ACTR3B: variants seen among roughly 807,000 people sequenced by gnomAD.
The protein encoded by ACTR3B is actin related protein 3B, also known as actin-related protein 3B.
Under a neutral mutation model 59.0 loss-of-function variants are expected in ACTR3B, and 8 were observed. The ratio of observed to expected loss-of-function variants is 0.14; its 90% confidence interval spans 0.08 to 0.24. ACTR3B has a LOEUF of 0.24. Ranked by LOEUF, ACTR3B falls within the 10% of genes least tolerant of loss-of-function variation. The pLI, the probability that ACTR3B is intolerant of heterozygous loss-of-function variation, is 1.00. For synonymous variants in ACTR3B, 148 were observed against 197.9 expected (o/e 0.75, Z 2.12); for missense variants, 245 against 552.3 (o/e 0.44, Z 5.58).
chr7:152,854,658 C>CTGG lies in ACTR3B; in HGVS notation c.*105_*106insTGG. The CTGG allele has an allele frequency of 3.3e-6, 4 of 1,212,760 alleles. No homozygotes were observed. Among genetic ancestry groups the CTGG allele is most frequent in the Non-Finnish European group, 4.8e-6 (4 of 840,752 alleles). 75.1% of individuals were successfully genotyped at this position (1,212,760 alleles called of 1,614,324 possible). A position where few individuals can be genotyped will look rare whatever the true frequency, so the allele number is the denominator to read the frequency against. ...GTAAATAGCGACGTCGGTGTTGCTGCCCAGCAGCGTGCTTGCATTGCCGGT... is the reference window on the plus strand; with the variant it reads ...GTAAATAGCGACGTCGGTGTTGCTGCTGGCCAGCAGCGTGCTTGCATTGCCGGT... On this transcript the variant is annotated 3_prime_UTR_variant, in exon 12 of 12. Coordinates refer to ENST00000256001, the MANE Select transcript of ACTR3B (RefSeq NM_020445.6). This position sits in a 1 kb window ranked among gnomAD's most constrained non-coding sequence, Gnocchi z 4.9.
intron 2 of ACTR3B, among the ~76,000 whole-genome samples, chr7:152,792,771 A>G (rs1339133731): frequency 2.6e-5 from 4 of 152,000 alleles, no homozygotes; most frequent in African/African-American, 7.2e-5. Flanking sequence ...AAAAACAAAA[A>G]CAAAAACAAC....
At chr7:152,809,565 G>A (rs1489198542) in intron 4 of ACTR3B, among the ~76,000 whole-genome samples, 14 of 150,420 alleles carry the variant, frequency 9.3e-5, no homozygotes, top group South Asian at 4.2e-4. Flanking sequence ...TTTTTGAGAC[G>A]GAGTCTTGCT....
At chr7:152,764,944 G>T (rs546840120) in intron 1 of ACTR3B, among the ~76,000 whole-genome samples, 5 of 152,030 alleles carry the variant, frequency 3.3e-5, no homozygotes, top group Non-Finnish European at 5.9e-5. Flanking sequence ...ACCACACACC[G>T]GGTAATTTAT....
chr7:152,784,018 G>T (rs1240955324), intron 2 of ACTR3B, among the ~76,000 whole-genome samples: 6 of 151,958 alleles, frequency 3.9e-5, no homozygotes, highest in African/African-American at 7.3e-5. Context: ...TGAAGCTGGG[G>T]GGTGGAGGTT....
At chr7:152,852,007 A>G (rs948095873) in intron 9 of ACTR3B, 119 bp from the exon 10 acceptor site, 5 of 1,377,404 alleles carry the variant, frequency 3.6e-6, no homozygotes, top group Non-Finnish European at 4.0e-6. Flanking sequence ...CGCATCTTTC[A>G]TAGGGCCGAT....
At chr7:152,790,166 A>G (rs2098190671) in intron 2 of ACTR3B, among the ~76,000 whole-genome samples, 1 of 151,702 alleles carries the variant, frequency 6.6e-6, no homozygotes, top group Non-Finnish European at 1.5e-5. Context: ...CTAATTTTTA[A>G]ATTTTTCATA....
chr7:152,800,339 C>T (rs1268299147), intron 2 of ACTR3B, among the ~76,000 whole-genome samples, 192 bp from the exon 3 acceptor site: 1 of 152,262 alleles, frequency 6.6e-6, no homozygotes, highest in East Asian at 1.9e-4. Context: ...AAAATCATAC[C>T]AGAATAGAAT....
chr7:152,849,792 G>A (rs1187849322), intron 9 of ACTR3B, among the ~76,000 whole-genome samples: 3 of 152,266 alleles, frequency 2.0e-5, no homozygotes, highest in Non-Finnish European at 2.9e-5. Flanking sequence ...ATCTGCTGCT[G>A]GCAGGTAATC....
chr7:152,849,498 G>A (rs993544663), intron 9 of ACTR3B, among the ~76,000 whole-genome samples: 2 of 152,230 alleles, frequency 1.3e-5, no homozygotes, highest in African/African-American at 4.8e-5. Context: ...GTTTTGTGAG[G>A]CTCTGTCCCT....
chr7:152,792,853 G>C (rs1295718979), intron 2 of ACTR3B, among the ~76,000 whole-genome samples: 1 of 152,092 alleles, frequency 6.6e-6, no homozygotes, highest in Non-Finnish European at 1.5e-5. Flanking sequence ...TTGACAAATT[G>C]TGTTAGTTTT....
At chr7:152,845,564 G>A (rs1422959096) in intron 9 of ACTR3B, among the ~76,000 whole-genome samples, 3 of 152,242 alleles carry the variant, frequency 2.0e-5, no homozygotes, top group East Asian at 3.8e-4. Flanking sequence ...ATTCTGAATC[G>A]CAAAGGAGCA....
At chr7:152,829,085 G>A (rs1290429316) in intron 9 of ACTR3B, among the ~76,000 whole-genome samples, 7 of 151,582 alleles carry the variant, frequency 4.6e-5, no homozygotes, top group African/African-American at 1.5e-4. Flanking sequence ...TCAAGAGCAG[G>A]AAAATTGTGC....
rs1344109702 is a variant in ACTR3B at position 152,824,840 on chromosome 7, A to G, written c.859-190A>G. Among the ~76,000 whole-genome samples, 1 of 152,230 alleles carries G rather than the reference A, an allele frequency of 6.6e-6. No individual in the cohort carries two copies. Among genetic ancestry groups the G allele is most frequent in the Non-Finnish European group, 1.5e-5 (1 of 68,054 alleles). On this transcript the variant is annotated intron_variant, in intron 8 of 11. Transcript: ENST00000256001. This position sits in a 1 kb window ranked among gnomAD's most constrained non-coding sequence, Gnocchi z 4.2. ...AATCCATACATTTTACCTCATGAGG[A>G]GAAATGTGTCATCACCGCTCCACGC...
intron 2 of ACTR3B, among the ~76,000 whole-genome samples, chr7:152,792,662 T>C (rs963477737): frequency 5.3e-5 from 8 of 152,034 alleles, no homozygotes; most frequent in African/African-American, 1.9e-4. Flanking sequence ...GCAGGAGAAT[T>C]GCTTGAACCT....
intron 1 of ACTR3B, among the ~76,000 whole-genome samples, chr7:152,761,649 A>G (rs1281794586): frequency 6.6e-6 from 1 of 152,150 alleles, no homozygotes; most frequent in Non-Finnish European, 1.5e-5. Flanking sequence ...GTTGGTGTCA[A>G]GACTTAGAAA....
intron 4 of ACTR3B, among the ~76,000 whole-genome samples, chr7:152,803,370 A>C (rs1483846992): frequency 6.6e-6 from 1 of 152,204 alleles, no homozygotes; most frequent in Non-Finnish European, 1.5e-5. Context: ...TGTGGAGCAA[A>C]TGGAGCCAAG....
At chr7:152,785,377 GA>G (rs1311748621) in intron 2 of ACTR3B, among the ~76,000 whole-genome samples, 258 of 4,778 alleles carry the variant, frequency 0.054, 13 homozygotes, top group East Asian at 0.08. Flanking sequence ...AGTTTGTTGT[GA>G]GGGGGGGGGG....
At chr7:152,815,925 A>G (rs1295711616) in intron 5 of ACTR3B, among the ~76,000 whole-genome samples, 1 of 152,158 alleles carries the variant, frequency 6.6e-6, no homozygotes, top group Non-Finnish European at 1.5e-5. Context: ...TTTCTTTGTA[A>G]AACTTTAGTT....
intron 1 of ACTR3B, among the ~76,000 whole-genome samples, chr7:152,782,980 A>G (rs1465705854): frequency 6.7e-6 from 1 of 149,948 alleles, no homozygotes; most frequent in Admixed American, 6.6e-5. Flanking sequence ...AACAAGCATA[A>G]TATTTTAAGT....
Sources: gnomAD v4.1 joint callset for allele counts (sites outside exome capture counted in the v4.1 genomes callset) on GRCh38, gnomAD v4.1.1 for gene constraint, Gnocchi (gnomAD v3.1) non-coding constraint, MANE v1.5 for transcripts, NCBI Gene and HGNC (gene_info 2026-07-23, HGNC 2026-07-21) for gene names.